The following TMC1 variants were observed in gnomAD, a reference collection of about 807,000 sequenced individuals.
TMC1 encodes the protein transmembrane channel like 1.
TMC1 carries 84 observed loss-of-function variants against 105.8 expected under a neutral mutation model. The observed-to-expected ratio is 0.79, with a 90% CI of 0.67 to 0.95. The LOEUF (loss-of-function observed/expected upper bound fraction) is 0.95, where lower values mean the gene tolerates loss of function less well. Ranked by LOEUF, TMC1 falls within the 40% of genes least tolerant of loss-of-function variation. The probability of loss-of-function intolerance (pLI) is 0.00; values close to 1 mark genes in which losing one functional copy is unlikely to be tolerated. For synonymous variants in TMC1, 315 were observed against 311.5 expected, an observed-to-expected ratio of 1.01 and a Z score of -0.12; for missense variants, 817 against 914.1, an observed-to-expected ratio of 0.89 and a Z score of 1.37.
At chr9:72,797,125 A>G (rs918880943) in intron 17 of TMC1, among the ~76,000 whole-genome samples, 2 of 152,178 alleles carry the variant, frequency 1.3e-5, no homozygotes, top group Non-Finnish European at 2.9e-5. Context: ...CAATTGCTAC[A>G]AAGATAATAA....
chr9:72,603,445 A>G (rs1049408698), intron 2 of TMC1, among the ~76,000 whole-genome samples: 1 of 151,946 alleles, frequency 6.6e-6, no homozygotes, highest in Non-Finnish European at 1.5e-5. Flanking sequence ...GCACACATAC[A>G]CAGAGCATTT....
chr9:72,544,478 CTT>C (rs71493656), intron 1 of TMC1, among the ~76,000 whole-genome samples: 78 of 125,184 alleles, frequency 6.2e-4, no homozygotes, highest in Non-Finnish European at 6.3e-4. Context: ...GATTTTTTAA[CTT>C]TTTTTTTTTT....
chr9:72,611,185 T>G (rs1053192074), intron 2 of TMC1, among the ~76,000 whole-genome samples: 4 of 152,208 alleles, frequency 2.6e-5, no homozygotes, highest in Non-Finnish European at 5.9e-5. Context: ...GCTTTAATTG[T>G]ATTATTGGGA....
At chr9:72,683,801 A>T (rs1273493093) in intron 5 of TMC1, among the ~76,000 whole-genome samples, 2 of 127,700 alleles carry the variant, frequency 1.6e-5, no homozygotes, top group Non-Finnish European at 1.7e-5. Flanking sequence ...TGTCATATGT[A>T]GCAAGACTAA....
At chr9:72,806,585 G>C (rs1311332691) in intron 18 of TMC1, among the ~76,000 whole-genome samples, 3 of 150,684 alleles carry the variant, frequency 2.0e-5, no homozygotes, top group African/African-American at 7.3e-5. Context: ...CTTCTCAGAT[G>C]GGGCGGCCGG....
chr9:72,704,865 C>T (rs897990359), intron 8 of TMC1, among the ~76,000 whole-genome samples: 2 of 152,056 alleles, frequency 1.3e-5, no homozygotes, highest in African/African-American at 4.8e-5. Flanking sequence ...CTGCTGTTTT[C>T]AATTCTGAGA....
chr9:72,766,202 G>T (rs1401222199), intron 12 of TMC1, among the ~76,000 whole-genome samples: 1 of 152,058 alleles, frequency 6.6e-6, no homozygotes, highest in African/African-American at 2.4e-5. Context: ...TGGATCACAA[G>T]GTCAGGAGAT....
chr9:72,814,256 A>G (rs1460114484), intron 18 of TMC1, among the ~76,000 whole-genome samples: 2 of 152,212 alleles, frequency 1.3e-5, no homozygotes, highest in African/African-American at 4.8e-5. Flanking sequence ...AGCATTTTTC[A>G]GATGTGTTCT....
intron 3 of TMC1, among the ~76,000 whole-genome samples, chr9:72,620,390 G>A (rs1243254897): frequency 2.0e-5 from 3 of 151,808 alleles, no homozygotes; most frequent in African/African-American, 7.3e-5. Flanking sequence ...TATAAGGCAG[G>A]CACCACCATG....
chr9:72,761,849 G>C (rs1827760667), intron 12 of TMC1, among the ~76,000 whole-genome samples: 1 of 152,188 alleles, frequency 6.6e-6, no homozygotes, highest in Admixed American at 6.5e-5. Context: ...ACTGGACACA[G>C]GTAGAGGAGA....
intron 3 of TMC1, among the ~76,000 whole-genome samples, chr9:72,622,374 G>A (rs1174357976): frequency 1.3e-5 from 2 of 152,180 alleles, no homozygotes; most frequent in African/African-American, 2.4e-5. Context: ...TGTTCCTGCA[G>A]GCTGCCTGTG....
chr9:72,559,049 A>G (rs187349405), intron 1 of TMC1, among the ~76,000 whole-genome samples: 1 of 152,280 alleles, frequency 6.6e-6, no homozygotes, highest in African/African-American at 2.4e-5. Flanking sequence ...TACCATATTG[A>G]ACTCAAATGA....
At chr9:72,662,287 A>G (rs941245560) in intron 5 of TMC1, among the ~76,000 whole-genome samples, 9 of 151,414 alleles carry the variant, frequency 5.9e-5, no homozygotes. Context: ...CCCCGGTCCA[A>G]GCGATTCTCC....
At chr9:72,784,395 A>T (rs1828137971) in intron 13 of TMC1, among the ~76,000 whole-genome samples, 1 of 149,222 alleles carries the variant, frequency 6.7e-6, no homozygotes, top group South Asian at 2.1e-4. Context: ...ACACCAGTCA[A>T]AATGACTATT....
intron 5 of TMC1, among the ~76,000 whole-genome samples, chr9:72,650,883 G>GATATATATAAAT (rs1288685250): frequency 1.3e-4 from 13 of 98,408 alleles, no homozygotes; most frequent in South Asian, 5.7e-4. Context: ...TATATATATA[G>GATATATATAAAT]ATATATAGAT....
chr9:72,786,219 G>A (rs1336681647), intron 13 of TMC1, among the ~76,000 whole-genome samples: 2 of 152,182 alleles, frequency 1.3e-5, no homozygotes, highest in Non-Finnish European at 2.9e-5. Flanking sequence ...GCCGAGGTGG[G>A]TGGATCACGA....
chr9:72,751,721 C>A, intron 10 of TMC1, 129 bp from the exon 11 acceptor site: 1 of 698,366 alleles, frequency 1.4e-6, no homozygotes, highest in Non-Finnish European at 2.6e-6. Flanking sequence ...AATGCTATAG[C>A]CTATAAATAT....
intron 1 of TMC1, among the ~76,000 whole-genome samples, chr9:72,551,003 A>G (rs546723639): frequency 6.6e-4 from 101 of 152,336 alleles, no homozygotes; most frequent in Admixed American, 1.7e-3. Flanking sequence ...AGATTTACAG[A>G]TGCAATATTG....
intron 12 of TMC1, among the ~76,000 whole-genome samples, chr9:72,769,555 G>A (rs1405441973): frequency 6.6e-6 from 1 of 152,296 alleles, no homozygotes; most frequent in East Asian, 1.9e-4. Context: ...TTTCCCCGAG[G>A]CTAGAGTGAG....
Sources: allele counts gnomAD v4.1 joint callset (sites outside exome capture counted in the v4.1 genomes callset), GRCh38; gene constraint gnomAD v4.1.1; transcripts MANE v1.5; gene names NCBI Gene and HGNC (gene_info 2026-07-23, HGNC 2026-07-21).